Variants in EXPH5 observed in about 807,000 individuals in gnomAD.
The protein encoded by EXPH5 is exophilin 5, also known as exophilin-5.
Under a neutral mutation model 41.1 loss-of-function variants are expected in EXPH5, and 42 were observed. The ratio of observed to expected loss-of-function variants is 1.02; its 90% CI spans 0.80 to 1.32. The LOEUF (loss-of-function observed/expected upper bound fraction) is 1.32. EXPH5 is among the 40% of genes most tolerant of loss of function. The pLI is 0.00. For synonymous variants in EXPH5, 798 were observed against 833.5 expected (o/e 0.96, Z 0.73); for missense variants, 2,298 against 2,314.5 (o/e 0.99, Z 0.15).
upstream of EXPH5, among the ~76,000 whole-genome samples, chr11:108,596,012 T>C (rs1446058449): frequency 6.6e-6 from 1 of 151,916 alleles, no homozygotes; most frequent in Non-Finnish European, 1.5e-5. Flanking sequence ...CCATCCTGGC[T>C]AACACAGTGA....
rs199531963 is a variant in EXPH5 at position 108,510,646 on chromosome 11, G to A, written c.4861C>T (p.Pro1621Ser). The A allele has an allele frequency of 2.1e-4, 343 of 1,614,028 alleles. 1 individual carries two copies. Among genetic ancestry groups the A allele is most frequent in the Non-Finnish European group, 2.6e-4 (308 of 1,180,032 alleles). The change falls in exon 6 of 6, where the codon CCC (proline) becomes TCC (serine). Residue 1621 changes from proline to serine, a missense_variant. Pro to Ser is a moderately conservative substitution (Grantham distance 74). Coordinates refer to ENST00000265843, the MANE Select transcript of EXPH5 (RefSeq NM_015065.3). ...SPRRHVATIFPQSGSRSGFDH... is the reference protein window; with the variant it reads ...SPRRHVATIFSQSGSRSGFDH... ...AAGCCAGATCTGCTTCCACTTTGGG[G>A]GAAGATAGTAGCTACATGTCTTCTG... is the stretch of plus-strand genomic sequence containing the variant.
chr11:108,510,676 T>C lies in EXPH5; in HGVS notation c.4831A>G (p.Ser1611Gly), dbSNP rs777613485. Residue 1611 changes from serine to glycine, a missense_variant, in exon 6 of 6, where the codon AGC becomes GGC. Physicochemically the swap from Ser to Gly is moderately conservative, Grantham distance 56. Coordinates refer to ENST00000265843, the MANE Select transcript of EXPH5 (RefSeq NM_015065.3). ...ATAGTAGCTACATGTCTTCTGGGGC[T>C]TACATCTTTAGCTGGGAATTTTCTG... ...ASRKFPAKDVSPRRHVATIFP... is the reference protein window; with the variant it reads ...ASRKFPAKDVGPRRHVATIFP... 2.8e-5 allele frequency: 46 copies of C among 1,614,102 alleles called. 1 individual carries two copies. The highest frequency in any genetic ancestry group is 3.9e-5 in the Non-Finnish European group (46 of 1,180,054).
At chr11:108,596,348 A>T (rs2136135930), upstream of EXPH5, among the ~76,000 whole-genome samples, 1 of 152,210 alleles carries the variant, frequency 6.6e-6, no homozygotes, top group South Asian at 2.1e-4. Context: ...AGAGTAGAAA[A>T]AGAGGGTGGA....
In EXPH5 at chr11:108,514,621, C is replaced by A; in HGVS notation, c.886G>T (p.Asp296Tyr). ...CTGGGCTCCCTTGTCCTATACATAT[C>A]ATAAATTGTGCTTGTCCTAGGAGAA... ...TFSPRTSTIY[D>Y]MYRTREPRVF... The change falls in exon 6 of 6, where the codon GAT becomes TAT. Residue 296 changes from aspartate to tyrosine, a missense_variant. Coordinates refer to ENST00000265843, the MANE Select transcript of EXPH5 (RefSeq NM_015065.3). 1.2e-6 allele frequency: 2 copies of A among 1,610,606 alleles called. No individual in the cohort carries two copies. The highest frequency in any genetic ancestry group is 1.7e-6 in the Non-Finnish European group (2 of 1,178,942).
At chr11:108,599,401 G>A in the EXPH5 span, among the ~76,000 whole-genome samples, 2 of 151,968 alleles carry the variant, frequency 1.3e-5, no homozygotes, top group Non-Finnish European at 2.9e-5. Context: ...AATCACAATT[G>A]TGTATATACA....
At chr11:108,561,777 C>A (rs2094012644) in intron 1 of EXPH5, among the ~76,000 whole-genome samples, 1 of 152,098 alleles carries the variant, frequency 6.6e-6, no homozygotes, top group Admixed American at 6.6e-5. Flanking sequence ...AGACACATAG[C>A]GAGAAGGTAT....
intron 1 of EXPH5, among the ~76,000 whole-genome samples, chr11:108,579,575 C>T (rs1277394068): frequency 6.6e-6 from 1 of 151,590 alleles, no homozygotes; most frequent in African/African-American, 2.4e-5. Context: ...AGTTCTGCTT[C>T]CAGATAAGAT....
chr11:108,581,201 G>C (rs949481131), intron 1 of EXPH5, among the ~76,000 whole-genome samples: 4 of 152,146 alleles, frequency 2.6e-5, no homozygotes, highest in African/African-American at 9.7e-5. Flanking sequence ...CTACTAGGGA[G>C]GCTGAGGTGG....
upstream of EXPH5, among the ~76,000 whole-genome samples, chr11:108,595,104 T>C (rs1299175441): frequency 6.6e-6 from 1 of 152,258 alleles, no homozygotes; most frequent in East Asian, 1.9e-4. Flanking sequence ...ATATGGTCAC[T>C]GGTGGGATTT....
At chr11:108,585,388 G>A in intron 1 of EXPH5, among the ~76,000 whole-genome samples, 1 of 152,176 alleles carries the variant, frequency 6.6e-6, no homozygotes, top group Non-Finnish European at 1.5e-5. Context: ...TAGGTGGAGA[G>A]GGCTTCTCCC....
At chr11:108,601,740 CT>C in the EXPH5 span, among the ~76,000 whole-genome samples, 18 of 146,532 alleles carry the variant, frequency 1.2e-4, no homozygotes, top group African/African-American at 4.3e-4. Flanking sequence ...TCTTTCTTTT[CT>C]TTTCTTTCTT....
Position 108,569,666 on chromosome 11 carries a change from C to A in EXPH5, c.119+23752G>T, listed in dbSNP as rs537566457. ...AATGTACTGTTTTTAAACCCACCTC[C>A]TTCACGGCATTGAAAGCTTACAAAG... On this transcript the variant is annotated intron_variant, in intron 1 of 5. Coordinates refer to ENST00000265843, the MANE Select transcript of EXPH5 (RefSeq NM_015065.3). Among the ~76,000 whole-genome samples, 12 of 152,328 alleles carry A rather than the reference C, an allele frequency of 7.9e-5. No individual in the cohort carries two copies. The South Asian group carries it at 2.3e-3, about 29-fold the overall frequency.
intron 1 of EXPH5, among the ~76,000 whole-genome samples, chr11:108,545,025 G>T (rs779205681): frequency 4.5e-4 from 66 of 146,918 alleles, no homozygotes; most frequent in Admixed American, 1.6e-3. Flanking sequence ...TTTTTTTTTT[G>T]GAGACAGAAA....
chr11:108,593,030 A>G (rs1158041832), intron 1 of EXPH5, among the ~76,000 whole-genome samples: 2 of 152,202 alleles, frequency 1.3e-5, no homozygotes, highest in Admixed American at 6.5e-5. Context: ...CGGAGTGAGC[A>G]GCAGCCAGGA....
At chr11:108,526,596 G>A (rs1230698814) in intron 4 of EXPH5, among the ~76,000 whole-genome samples, 1 of 152,196 alleles carries the variant, frequency 6.6e-6, no homozygotes, top group Non-Finnish European at 1.5e-5. Context: ...AGCTGGATGG[G>A]GAGGTCATGC....
intron 1 of EXPH5, among the ~76,000 whole-genome samples, chr11:108,588,908 A>G (rs2094120903): frequency 6.6e-6 from 1 of 152,204 alleles, no homozygotes; most frequent in African/African-American, 2.4e-5. Context: ...TGTATCTGAG[A>G]GGAAGTTCTC....
intron 5 of EXPH5, among the ~76,000 whole-genome samples, chr11:108,515,772 C>T (rs1430526543): frequency 1.3e-5 from 2 of 152,134 alleles, no homozygotes; most frequent in East Asian, 3.9e-4. Flanking sequence ...AACCTCTGTG[C>T]CATAAAAGCT....
chr11:108,604,443 A>C, the EXPH5 span, among the ~76,000 whole-genome samples: 2 of 152,072 alleles, frequency 1.3e-5, no homozygotes, highest in African/African-American at 4.8e-5. Flanking sequence ...TTGCCAATTA[A>C]AGAAAACTTT....
At chr11:108,585,444 C>T (rs561833036) in intron 1 of EXPH5, among the ~76,000 whole-genome samples, 5 of 152,232 alleles carry the variant, frequency 3.3e-5, no homozygotes, top group African/African-American at 7.2e-5. Context: ...GAGAGGAAGC[C>T]TTTTTGCCCC....
Sources: allele counts gnomAD v4.1 joint callset (sites outside exome capture counted in the v4.1 genomes callset), GRCh38; gene constraint gnomAD v4.1.1; transcripts MANE v1.5; gene names NCBI Gene and HGNC (gene_info 2026-07-23, HGNC 2026-07-21).